QKI: variants seen among roughly 807,000 people sequenced by gnomAD.
QKI encodes the protein QKI, KH domain containing RNA binding.
A neutral mutation model predicts 39.0 loss-of-function variants in QKI; 10 were observed. The observed-to-expected ratio is 0.26, with a 90% CI of 0.16 to 0.43. The LOEUF (loss-of-function observed/expected upper bound fraction) is 0.43. Among genes scored for constraint, QKI ranks in the 20% least tolerant of loss-of-function variants. The probability of loss-of-function intolerance (pLI) is 1.00; values close to 1 mark genes in which losing one functional copy is unlikely to be tolerated. For missense variants in QKI, 218 were observed against 428.0 expected (o/e 0.51, Z 4.33); for synonymous variants, 204 against 155.4 (o/e 1.31, Z -2.33).
At chr6:163,512,190 CAGTTTG>C (rs748951806) in intron 3 of QKI, among the ~76,000 whole-genome samples, 25 of 152,060 alleles carry the variant, frequency 1.6e-4, no homozygotes, top group Non-Finnish European at 3.5e-4. Context: ...GAAACTTCCT[CAGTTTG>C]ATAAATTCGC....
intron 3 of QKI, among the ~76,000 whole-genome samples, chr6:163,531,271 G>A (rs898149709): frequency 6.6e-6 from 1 of 152,178 alleles, no homozygotes; most frequent in Non-Finnish European, 1.5e-5. Context: ...ATTTGGAGCA[G>A]GGGAGATGGC....
rs575586784 is a variant in QKI at position 163,504,457 on chromosome 6, C to T, written c.402+25561C>T. 8.0e-4 allele frequency among the ~76,000 whole-genome samples: 122 copies of T among 152,274 alleles called. 1 individual carries two copies. Among genetic ancestry groups the T allele is most frequent in the Non-Finnish European group, 1.2e-3 (81 of 68,012 alleles). ...TGTAGATTACTTTGGGCAGTATTGT[C>T]ATTTTAATGATACTGATTTTTCCAA... On this transcript the variant is annotated intron_variant, in intron 3 of 7. Transcript: ENST00000361752.
intron 1 of QKI, among the ~76,000 whole-genome samples, chr6:163,427,686 C>T (rs960119947): frequency 6.6e-5 from 10 of 151,444 alleles, no homozygotes; most frequent in African/African-American, 1.5e-4. Context: ...CATGTGTGTG[C>T]GCGCGTGTGT....
chr6:163,524,162 A>G (rs1379933702), intron 3 of QKI, among the ~76,000 whole-genome samples: 2 of 152,084 alleles, frequency 1.3e-5, no homozygotes, highest in African/African-American at 2.4e-5. Context: ...TTCTAATCCA[A>G]ATGCTTCATG....
At chr6:163,506,968 T>C (rs1344245742) in intron 3 of QKI, among the ~76,000 whole-genome samples, 3 of 152,138 alleles carry the variant, frequency 2.0e-5, no homozygotes, top group African/African-American at 7.2e-5. Flanking sequence ...CACAAGCACA[T>C]AGCTGTAAGC....
At chr6:163,494,651 GTTTT>G (rs796487452) in intron 3 of QKI, among the ~76,000 whole-genome samples, 6 of 120,796 alleles carry the variant, frequency 5.0e-5, no homozygotes, top group Admixed American at 9.3e-5. Context: ...CACGTTTTGG[GTTTT>G]TTTTTTGTTT....
At position 163,570,907 on chromosome 6, in the gene QKI, T is replaced by G; in HGVS notation, c.*197T>G. On this transcript the variant is annotated 3_prime_UTR_variant, in exon 8 of 8. Transcript: ENST00000361752. Reference sequence around the variant, plus strand: ...CCTCCAACTCAGCTTTTTTTTTTTTTTTTTCCTGTTTGGGTGAAAGTGGTT... The same window carrying G: ...CCTCCAACTCAGCTTTTTTTTTTTTGTTTTCCTGTTTGGGTGAAAGTGGTT... The G allele has an allele frequency of 1.3e-6, 1 of 755,944 alleles. No individual in the cohort carries two copies. The allele number at this position is 755,944 out of a possible 1,614,324, so 46.8% of individuals were successfully genotyped here. A position where few individuals can be genotyped will look rare whatever the true frequency, so the allele number is the denominator to read the frequency against.
intron 1 of QKI, among the ~76,000 whole-genome samples, chr6:163,452,831 G>A (rs1398384556): frequency 2.0e-5 from 3 of 152,108 alleles, no homozygotes; most frequent in Admixed American, 6.6e-5. Flanking sequence ...GAGTACAAGC[G>A]ATTCTCCTGC....
chr6:163,512,453 T>C lies in QKI; in HGVS notation c.403-22529T>C, dbSNP rs73784440. Reference sequence around the variant, plus strand: ...AAAAGGTCATTCCAGCAAGAAGAGATCATGATCCTAAGTCTCTGTGTATCA... The same window carrying C: ...AAAAGGTCATTCCAGCAAGAAGAGACCATGATCCTAAGTCTCTGTGTATCA... On this transcript the variant is annotated intron_variant, in intron 3 of 7. Coordinates refer to ENST00000361752, the MANE Select transcript of QKI (RefSeq NM_006775.3). 3.4e-3 allele frequency among the ~76,000 whole-genome samples: 511 copies of C among 152,188 alleles called. 4 individuals carry two copies. The highest frequency in any genetic ancestry group is 0.012 in the African/African-American group (481 of 41,574).
intron 3 of QKI, among the ~76,000 whole-genome samples, chr6:163,533,245 CAGTT>C (rs2128240817): frequency 6.6e-6 from 1 of 152,160 alleles, no homozygotes; most frequent in East Asian, 1.9e-4. Context: ...TTTCTTGCCA[CAGTT>C]AGAGATATTA....
chr6:163,420,425 T>C (rs924004868), intron 1 of QKI, among the ~76,000 whole-genome samples: 19 of 152,130 alleles, frequency 1.2e-4, no homozygotes, highest in Non-Finnish European at 2.5e-4. Flanking sequence ...GTTGATAACT[T>C]AAAAGGCAGC....
intron 7 of QKI, chr6:163,568,149 C>T (rs1334426883): frequency 1.0e-6 from 1 of 985,132 alleles, no homozygotes; most frequent in Admixed American, 6.2e-5. Context: ...TGGAAAGTCA[C>T]TTGAGTTTTA....
At chr6:163,557,101 G>T (rs888620273) in intron 4 of QKI, among the ~76,000 whole-genome samples, 1 of 152,140 alleles carries the variant, frequency 6.6e-6, no homozygotes, top group Non-Finnish European at 1.5e-5. Context: ...TGTAGCAGAA[G>T]AATAGATAAA....
chr6:163,432,472 C>T (rs1303857646), intron 1 of QKI, among the ~76,000 whole-genome samples: 8 of 151,518 alleles, frequency 5.3e-5, no homozygotes, highest in Admixed American at 5.3e-4. Context: ...TAGCTCACTG[C>T]ATCCTCTAAC....
chr6:163,468,751 G>T (rs1791962867), intron 2 of QKI, among the ~76,000 whole-genome samples: 1 of 152,070 alleles, frequency 6.6e-6, no homozygotes, highest in Non-Finnish European at 1.5e-5. Context: ...AGCTCAGGCT[G>T]TTTGAAATGA....
intron 1 of QKI, among the ~76,000 whole-genome samples, chr6:163,430,562 G>A (rs1388394284): frequency 1.3e-5 from 2 of 152,096 alleles, no homozygotes; most frequent in Admixed American, 1.3e-4. Context: ...GAGCATGGAG[G>A]AATAGGTACA....
At chr6:163,449,402 C>A (rs1220196088) in intron 1 of QKI, among the ~76,000 whole-genome samples, 1 of 152,082 alleles carries the variant, frequency 6.6e-6, no homozygotes, top group Non-Finnish European at 1.5e-5. Flanking sequence ...AATGATAAGG[C>A]AGATTTTGTT....
intron 3 of QKI, among the ~76,000 whole-genome samples, chr6:163,490,017 G>C (rs1036753842): frequency 6.6e-5 from 10 of 152,106 alleles, no homozygotes; most frequent in Non-Finnish European, 1.3e-4. Context: ...TTAGGGAGTA[G>C]GAACTGTTAC....
chr6:163,515,922 G>C (rs912362771), intron 3 of QKI, among the ~76,000 whole-genome samples: 1 of 152,050 alleles, frequency 6.6e-6, no homozygotes, highest in Non-Finnish European at 1.5e-5. Flanking sequence ...TCACCTCTTT[G>C]TGGTATAAGC....
Sources: gnomAD v4.1 joint callset for allele counts (sites outside exome capture counted in the v4.1 genomes callset) on GRCh38, gnomAD v4.1.1 for gene constraint, MANE v1.5 for transcripts, NCBI Gene and HGNC (gene_info 2026-07-23, HGNC 2026-07-21) for gene names.